The following CACNA1C variants were observed in gnomAD, a reference collection of about 807,000 sequenced individuals.
CACNA1C encodes calcium voltage-gated channel subunit alpha1 C, also known as voltage-dependent L-type calcium channel subunit alpha-1C.
In CACNA1C, 30 loss-of-function variants were observed where a neutral mutation model predicts 229.0. The observed-to-expected ratio is 0.13, with a 90% confidence interval of 0.10 to 0.18. The LOEUF (loss-of-function observed/expected upper bound fraction) is 0.18. CACNA1C is among the 10% of genes least tolerant of loss of function. The probability of loss-of-function intolerance (pLI) is 1.00; values close to 1 mark genes in which losing one functional copy is unlikely to be tolerated. For missense variants in CACNA1C, 1,658 were observed against 2,845.0 expected, an observed-to-expected ratio of 0.58 and a Z score of 9.49; for synonymous variants, 1,114 against 1,132.5, an observed-to-expected ratio of 0.98 and a Z score of 0.33.
At chr12:2,563,166 A>G (rs1422470300) in intron 11 of CACNA1C, among the ~76,000 whole-genome samples, 1 of 152,238 alleles carries the variant, frequency 6.6e-6, no homozygotes, top group African/African-American at 2.4e-5. Flanking sequence ...TTCACTTAAT[A>G]TAATGGCCTC....
intron 1 of CACNA1C, among the ~76,000 whole-genome samples, chr12:2,014,338 C>T (rs1488286122): frequency 6.6e-6 from 1 of 151,786 alleles, no homozygotes; most frequent in Non-Finnish European, 1.5e-5. Flanking sequence ...TTATAATAAG[C>T]ATAGCAACTC....
intron 3 of CACNA1C, among the ~76,000 whole-genome samples, chr12:2,221,122 C>T (rs371947189): frequency 3.3e-5 from 5 of 152,108 alleles, no homozygotes; most frequent in East Asian, 3.9e-4. Context: ...TACAAAGGCC[C>T]AGAGGCAGGA....
intron 1 of CACNA1C, among the ~76,000 whole-genome samples, chr12:2,014,475 G>A (rs1487489500): frequency 1.3e-5 from 2 of 152,146 alleles, no homozygotes; most frequent in East Asian, 1.9e-4. Context: ...GACAGGCACC[G>A]GGCTAGGAGC....
At chr12:2,483,187 C>A (rs974479398) in intron 5 of CACNA1C, among the ~76,000 whole-genome samples, 2 of 152,212 alleles carry the variant, frequency 1.3e-5, no homozygotes, top group African/African-American at 2.4e-5. Flanking sequence ...GGCACGAAGC[C>A]AGAGAACTGC....
At chr12:2,668,858 A>T in intron 37 of CACNA1C, 75 bp from the exon 38 acceptor site, 2 of 943,588 alleles carry the variant, frequency 2.1e-6, no homozygotes, top group South Asian at 2.7e-5. Flanking sequence ...AAACCATATC[A>T]CTCTGCCACG....
At chr12:2,234,012 T>G (rs1312736225) in intron 3 of CACNA1C, among the ~76,000 whole-genome samples, 1 of 152,230 alleles carries the variant, frequency 6.6e-6, no homozygotes, top group Admixed American at 6.5e-5. Flanking sequence ...CAATCTGGCA[T>G]TATTCCAACA....
In CACNA1C at chr12:2,524,484, A is replaced by G. The variant is rs372669295; in HGVS notation, c.1390+11500A>G. Among the ~76,000 whole-genome samples the G allele has an allele frequency of 2.6e-5, 4 of 152,244 alleles. No homozygotes were observed. In the East Asian group the frequency reaches 5.8e-4, roughly 22 times the overall value. On this transcript the variant is annotated intron_variant, in intron 9 of 46. Transcript: ENST00000399655. ...CCCAAGAAGGATTCATGAAGGTGCCATGTCAGTCAGGGTTGGTGGACCATT... is the reference window on the plus strand; with the variant it reads ...CCCAAGAAGGATTCATGAAGGTGCCGTGTCAGTCAGGGTTGGTGGACCATT...
chr12:2,259,649 TAA>T (rs937989867), intron 3 of CACNA1C, among the ~76,000 whole-genome samples: 33 of 152,202 alleles, frequency 2.2e-4, no homozygotes, highest in African/African-American at 7.7e-4. Context: ...GTATCAGATC[TAA>T]GTGTGTAGCT....
At chr12:2,078,453 C>T (rs1317869919) in intron 1 of CACNA1C, among the ~76,000 whole-genome samples, 1 of 152,090 alleles carries the variant, frequency 6.6e-6, no homozygotes. Context: ...ACCTTGAGGA[C>T]GTTGTGCTAA....
chr12:2,649,979 C>T lies in CACNA1C; in HGVS notation c.3945+1472C>T, dbSNP rs2094769335. 6.6e-6 allele frequency among the ~76,000 whole-genome samples: 1 copy of T among 151,576 alleles called. No individual in the cohort carries two copies. The highest frequency in any genetic ancestry group is 1.5e-5 in the Non-Finnish European group (1 of 68,032). On this transcript the variant is annotated intron_variant, in intron 31 of 46. Transcript: ENST00000399655. This position sits in a 1 kb window ranked among gnomAD's most constrained non-coding sequence, Gnocchi z 4.4. Reference sequence around the variant, plus strand: ...CATCAAAGGCTTCAGAACACACAGGCAGGGAAGAGCCCAGGGCAGGACAGG... The same window carrying T: ...CATCAAAGGCTTCAGAACACACAGGTAGGGAAGAGCCCAGGGCAGGACAGG...
intron 3 of CACNA1C, among the ~76,000 whole-genome samples, chr12:2,160,696 A>T (rs2095811308): frequency 1.3e-5 from 2 of 152,256 alleles, no homozygotes; most frequent in African/African-American, 4.8e-5. Context: ...TTAATATTTC[A>T]AAACACCTAA....
chr12:2,086,760 A>G lies in CACNA1C; in HGVS notation c.50-28464A>G, dbSNP rs534088468. Among the ~76,000 whole-genome samples the G allele has an allele frequency of 3.3e-5, 5 of 152,320 alleles. No homozygotes were observed. The South Asian group carries it at 1.0e-3, about 32-fold the overall frequency. ...GAGAAGCAATTGCAGGTGAGGAAACAGAGGGATGGTGCGTGGGAGCTTCTC... is the reference window on the plus strand; with the variant it reads ...GAGAAGCAATTGCAGGTGAGGAAACGGAGGGATGGTGCGTGGGAGCTTCTC... On this transcript the variant is annotated intron_variant, in intron 1 of 46. Transcript: ENST00000399655.
At chr12:2,311,636 GAT>G (rs2154485307) in intron 3 of CACNA1C, among the ~76,000 whole-genome samples, 1 of 152,306 alleles carries the variant, frequency 6.6e-6, no homozygotes, top group Non-Finnish European at 1.5e-5. Context: ...CCTCTTCCGC[GAT>G]ATGTCAGACG....
At chr12:2,007,306 G>T (rs1313356605) in intron 1 of CACNA1C, among the ~76,000 whole-genome samples, 1 of 152,150 alleles carries the variant, frequency 6.6e-6, no homozygotes, top group African/African-American at 2.4e-5. Flanking sequence ...TCTTTAAAGT[G>T]TAAAGAATAG....
In CACNA1C at chr12:2,084,610, C is replaced by G. The variant is rs530254244; in HGVS notation, c.50-30614C>G. Among the ~76,000 whole-genome samples the G allele has an allele frequency of 1.1e-4, 16 of 152,258 alleles. No homozygotes were observed. In the South Asian group the frequency reaches 2.9e-3, roughly 28 times the overall value. ...CAGTGTTCCTCTTGCAGTCTGTTCC[C>G]CAGAAGGGACACAGGGCTTCAGCTG... On this transcript the variant is annotated intron_variant, in intron 1 of 46. Transcript: ENST00000399655.
intron 3 of CACNA1C, among the ~76,000 whole-genome samples, chr12:2,248,767 G>A (rs2074370165): frequency 6.6e-6 from 1 of 152,216 alleles, no homozygotes; most frequent in African/African-American, 2.4e-5. Context: ...CGGTGTGGAG[G>A]GGCAATGCCA....
intron 1 of CACNA1C, among the ~76,000 whole-genome samples, chr12:2,110,136 T>A (rs2081082039): frequency 6.6e-6 from 1 of 152,174 alleles, no homozygotes; most frequent in African/African-American, 2.4e-5. Context: ...AGGAGGCACA[T>A]GCCACTGACT....
Position 2,354,526 on chromosome 12 carries a change from C to A in CACNA1C, c.478-94450C>A, listed in dbSNP as rs1337351979. On this transcript the variant is annotated intron_variant, in intron 3 of 46. Transcript: ENST00000399655. This position sits in a 1 kb window ranked among gnomAD's most constrained non-coding sequence, Gnocchi z 4.6. ...CACCAGCAGCTGAATTGAATTCCAT[C>A]TTTGAGACCCAAGAGAGGGAAAATG... Among the ~76,000 whole-genome samples, 7 of 152,202 alleles carry A rather than the reference C, an allele frequency of 4.6e-5. No individual in the cohort carries two copies. Among genetic ancestry groups the A allele is most frequent in the Non-Finnish European group, 4.4e-5 (3 of 68,046 alleles).
intron 3 of CACNA1C, among the ~76,000 whole-genome samples, chr12:2,240,245 TC>T (rs747917138): frequency 6.6e-6 from 1 of 152,200 alleles, no homozygotes; most frequent in Non-Finnish European, 1.5e-5. Context: ...ACATGCAGTT[TC>T]CCCTCCCTTG....
Sources: allele counts gnomAD v4.1 joint callset (sites outside exome capture counted in the v4.1 genomes callset), GRCh38; gene constraint gnomAD v4.1.1; non-coding constraint Gnocchi (gnomAD v3.1); transcripts MANE v1.5; gene names NCBI Gene and HGNC (gene_info 2026-07-23, HGNC 2026-07-21).